The following MNAT1 variants were observed in gnomAD, a reference collection of about 807,000 sequenced individuals.
The protein encoded by MNAT1 is MNAT1 component of CDK activating kinase.
MNAT1 carries 43 observed loss-of-function variants against 42.0 expected under a neutral mutation model. The observed-to-expected ratio is 1.02, with a 90% CI of 0.80 to 1.32. The LOEUF is 1.32. MNAT1 is among the 40% of genes most tolerant of loss of function. The pLI, the probability that MNAT1 is intolerant of heterozygous loss-of-function variation, is 0.00. For missense variants in MNAT1, 306 were observed against 350.4 expected, an observed-to-expected ratio of 0.87 and a Z score of 1.01; for synonymous variants, 118 against 120.0, an observed-to-expected ratio of 0.98 and a Z score of 0.11.
chr14:60,742,575 A>G (rs971521830), intron 1 of MNAT1, among the ~76,000 whole-genome samples: 2 of 152,204 alleles, frequency 1.3e-5, no homozygotes, highest in African/African-American at 4.8e-5. Context: ...GTACGTTTCA[A>G]TGGCTTTTAG....
intron 6 of MNAT1, among the ~76,000 whole-genome samples, chr14:60,844,579 T>C (rs913868040): frequency 2.6e-5 from 4 of 152,150 alleles, no homozygotes; most frequent in South Asian, 2.1e-4. Context: ...ATTTTACTTA[T>C]TGAGTAGTCG....
chr14:60,903,594 C>G (rs1035999066), intron 7 of MNAT1, among the ~76,000 whole-genome samples: 2 of 152,146 alleles, frequency 1.3e-5, no homozygotes, highest in Admixed American at 1.3e-4. Flanking sequence ...ACCACCAGCA[C>G]AGCCACGATA....
intron 6 of MNAT1, among the ~76,000 whole-genome samples, chr14:60,844,385 C>G (rs899076512): frequency 7.2e-5 from 11 of 151,964 alleles, no homozygotes; most frequent in African/African-American, 2.7e-4. Flanking sequence ...TTTAGGGCCT[C>G]TTTATCTCAG....
At chr14:60,911,300 AG>A (rs1298245169) in intron 7 of MNAT1, among the ~76,000 whole-genome samples, 2 of 152,072 alleles carry the variant, frequency 1.3e-5, no homozygotes, top group African/African-American at 4.8e-5. Flanking sequence ...GATTTTTTTA[AG>A]GGTTTTTTGT....
intron 7 of MNAT1, among the ~76,000 whole-genome samples, chr14:60,944,762 G>A (rs1334760252): frequency 6.6e-6 from 1 of 152,040 alleles, no homozygotes; most frequent in African/African-American, 2.4e-5. Context: ...TTTGGTAAGC[G>A]AGGCACTTTA....
intron 7 of MNAT1, among the ~76,000 whole-genome samples, chr14:60,925,660 C>T (rs2035751226): frequency 6.6e-6 from 1 of 152,096 alleles, no homozygotes. Flanking sequence ...TCTTATAAAA[C>T]CTATATTTAC....
chr14:60,902,707 A>G (rs1594851361), intron 7 of MNAT1, among the ~76,000 whole-genome samples: 1 of 152,172 alleles, frequency 6.6e-6, no homozygotes, highest in Non-Finnish European at 1.5e-5. Flanking sequence ...AAGAATGGGC[A>G]TTTAAAATAT....
At chr14:60,750,389 G>T (rs756347261) in intron 1 of MNAT1, among the ~76,000 whole-genome samples, 2 of 151,746 alleles carry the variant, frequency 1.3e-5, no homozygotes, top group Non-Finnish European at 2.9e-5. Flanking sequence ...ACCACGCCCG[G>T]CCAATCTTTT....
chr14:60,853,529 C>T (rs1481518856), intron 6 of MNAT1, among the ~76,000 whole-genome samples: 11 of 152,128 alleles, frequency 7.2e-5, no homozygotes, highest in Admixed American at 7.2e-4. Flanking sequence ...TATTCAAATA[C>T]TCTTTATTTC....
At chr14:60,824,245 T>C (rs1037564021) in intron 6 of MNAT1, among the ~76,000 whole-genome samples, 21 of 152,170 alleles carry the variant, frequency 1.4e-4, no homozygotes, top group African/African-American at 4.3e-4. Flanking sequence ...AATATTTTTC[T>C]TTTCCTTTTA....
intron 6 of MNAT1, among the ~76,000 whole-genome samples, chr14:60,859,023 T>C: frequency 6.6e-6 from 1 of 152,234 alleles, no homozygotes; most frequent in East Asian, 1.9e-4. Context: ...GTAAGAATTG[T>C]GTATACTAGA....
intron 6 of MNAT1, among the ~76,000 whole-genome samples, chr14:60,835,205 A>G (rs910742399): frequency 6.6e-6 from 1 of 151,880 alleles, no homozygotes; most frequent in Non-Finnish European, 1.5e-5. Flanking sequence ...TCTTTATCCA[A>G]TTTGCCAGCC....
At chr14:60,821,706 C>T (rs1469943358) in intron 6 of MNAT1, among the ~76,000 whole-genome samples, 2 of 152,148 alleles carry the variant, frequency 1.3e-5, no homozygotes, top group African/African-American at 4.8e-5. Context: ...TATATTGTAG[C>T]TCCTGCCTTG....
intron 1 of MNAT1, among the ~76,000 whole-genome samples, chr14:60,758,764 AG>A (rs1179247227): frequency 6.6e-6 from 1 of 152,112 alleles, no homozygotes; most frequent in East Asian, 1.9e-4. Context: ...TTGTACCCCT[AG>A]TTTGTCTGGA....
chr14:60,778,489 T>G (rs2031330248), intron 1 of MNAT1, among the ~76,000 whole-genome samples: 1 of 152,176 alleles, frequency 6.6e-6, no homozygotes, highest in South Asian at 2.1e-4. Flanking sequence ...TTTCTTCTAG[T>G]TTGGGATTAA....
chr14:60,946,856 G>A (rs2036286482), intron 7 of MNAT1, among the ~76,000 whole-genome samples: 1 of 152,212 alleles, frequency 6.6e-6, no homozygotes, highest in African/African-American at 2.4e-5. Context: ...CACACACTCA[G>A]TGGCTTAAAC....
At position 60,772,953 on chromosome 14, in the gene MNAT1, G is replaced by A. The variant is rs1014397284; in HGVS notation, c.90-23264G>A. Among the ~76,000 whole-genome samples, 547 of 115,288 alleles carry A rather than the reference G, an allele frequency of 4.7e-3. 1 individual carries two copies. The highest frequency in any genetic ancestry group is 0.017 in the African/African-American group (515 of 30,680). The allele number at this position is 115,288 out of a possible 152,430, so 75.6% of individuals were successfully genotyped here. A position where few individuals can be genotyped will look rare whatever the true frequency, so the allele number is the denominator to read the frequency against. On this transcript the variant is annotated intron_variant, in intron 1 of 7. Transcript: ENST00000261245. Reference sequence around the variant, plus strand: ...TATTTATTTATTTATTTATTTATTTGAGACAGAGTCTCTCTCTGTCGCCGG... The same window carrying A: ...TATTTATTTATTTATTTATTTATTTAAGACAGAGTCTCTCTCTGTCGCCGG...
At chr14:60,751,702 A>G (rs942879633) in intron 1 of MNAT1, among the ~76,000 whole-genome samples, 1 of 152,042 alleles carries the variant, frequency 6.6e-6, no homozygotes, top group Non-Finnish European at 1.5e-5. Flanking sequence ...TTAAAATTTA[A>G]CAGACTTTAT....
Position 60,969,730 on chromosome 14 carries a change from A to G in MNAT1, c.*1381A>G, listed in dbSNP as rs909370962. Reference sequence around the variant, plus strand: ...AATCTGTTCAAAGAATAGTTAGAACATTGAATGTAGAGTTAAGGCTTTGCA... The same window carrying G: ...AATCTGTTCAAAGAATAGTTAGAACGTTGAATGTAGAGTTAAGGCTTTGCA... On this transcript the variant is annotated 3_prime_UTR_variant, in exon 8 of 8. Transcript: ENST00000261245. 2 of 152,336 alleles carry G rather than the reference A, an allele frequency of 1.3e-5. No homozygotes were observed. The highest frequency in any genetic ancestry group is 6.5e-5 in the Admixed American group (1 of 15,306). 9.4% of individuals were successfully genotyped at this position (152,336 alleles called of 1,614,324 possible).
Sources: allele counts gnomAD v4.1 joint callset (sites outside exome capture counted in the v4.1 genomes callset), GRCh38; gene constraint gnomAD v4.1.1; transcripts MANE v1.5; gene names NCBI Gene and HGNC (gene_info 2026-07-23, HGNC 2026-07-21).